OTOGL: variants seen among roughly 807,000 people sequenced by gnomAD.
The protein encoded by OTOGL is otogelin like, also known as otogelin-like protein.
In OTOGL, 285 loss-of-function variants were observed where a neutral mutation model predicts 318.5. The ratio of observed to expected loss-of-function variants is 0.89; its 90% confidence interval spans 0.81 to 0.99. OTOGL has a LOEUF of 0.99. Among genes scored for constraint, OTOGL ranks in the 50% least tolerant of loss-of-function variants. OTOGL has a pLI of 0.00. For synonymous variants in OTOGL, 987 were observed against 936.5 expected, an observed-to-expected ratio of 1.05 and a Z score of -0.99; for missense variants, 2,899 against 2,845.6, an observed-to-expected ratio of 1.02 and a Z score of -0.43.
At chr12:80,345,820 A>G (rs1889163959) in intron 44 of OTOGL, among the ~76,000 whole-genome samples, 1 of 152,206 alleles carries the variant, frequency 6.6e-6, no homozygotes, top group Admixed American at 6.5e-5. Context: ...TTGAGAAACT[A>G]AAAGAGACCC....
At chr12:80,212,907 CCT>C (rs1491478635) in intron 4 of OTOGL, among the ~76,000 whole-genome samples, 2 of 121,158 alleles carry the variant, frequency 1.7e-5, no homozygotes, top group Non-Finnish European at 4.0e-5. Context: ...AGAGTAGAGA[CCT>C]TTTTTTTGTT....
chr12:80,290,929 C>A (rs941777991), intron 26 of OTOGL, among the ~76,000 whole-genome samples: 6 of 152,142 alleles, frequency 3.9e-5, no homozygotes, highest in Non-Finnish European at 8.8e-5. Flanking sequence ...CCTTATATTT[C>A]TTGTTATTCT....
Position 80,378,336 on chromosome 12 carries a change from A to C in OTOGL, c.*288A>C, listed in dbSNP as rs949254613. The C allele has an allele frequency of 4.2e-5, 10 of 236,648 alleles. No individual in the cohort carries two copies. The highest frequency in any genetic ancestry group is 7.4e-5 in the Non-Finnish European group (9 of 121,282). The allele number at this position is 236,648 out of a possible 1,614,324, so 14.7% of individuals were successfully genotyped here. A position where few individuals can be genotyped will look rare whatever the true frequency, so the allele number is the denominator to read the frequency against. The stretch of plus-strand genomic sequence containing the variant: ...GTGCAGATACAGTATATTCTCATCA[A>C]CTGGAAGGTTATTTTGCAAAATTCC... On this transcript the variant is annotated 3_prime_UTR_variant, in exon 59 of 59. Transcript: ENST00000547103.
intron 1 of OTOGL, among the ~76,000 whole-genome samples, chr12:80,125,271 C>A (rs1416961414): frequency 6.6e-6 from 1 of 152,130 alleles, no homozygotes; most frequent in African/African-American, 2.4e-5. Context: ...TTGTCAAAGG[C>A]CTTTTCTGCA....
intron 29 of OTOGL, among the ~76,000 whole-genome samples, chr12:80,307,653 G>A (rs1220835160): frequency 6.9e-6 from 1 of 145,638 alleles, no homozygotes; most frequent in Non-Finnish European, 1.5e-5. Flanking sequence ...ACGGCTGGCC[G>A]GGCAGAGTGG....
intron 27 of OTOGL, among the ~76,000 whole-genome samples, chr12:80,300,445 C>T (rs1350422100): frequency 6.6e-6 from 1 of 151,988 alleles, no homozygotes; most frequent in Admixed American, 6.5e-5. Flanking sequence ...GGAGATTGGG[C>T]GGACAGCAGG....
chr12:80,275,256 C>A (rs569610254), intron 24 of OTOGL, among the ~76,000 whole-genome samples: 5 of 151,800 alleles, frequency 3.3e-5, no homozygotes, highest in South Asian at 2.1e-4. Flanking sequence ...AATATCAACA[C>A]GAACAGGAGT....
chr12:80,239,669 C>G (rs1025332007), intron 11 of OTOGL, among the ~76,000 whole-genome samples: 2 of 152,034 alleles, frequency 1.3e-5, no homozygotes, highest in Non-Finnish European at 2.9e-5. Flanking sequence ...TAATTTAATA[C>G]ATTCGTGTAA....
intron 44 of OTOGL, among the ~76,000 whole-genome samples, 200 bp downstream of exon 44, chr12:80,342,362 A>G (rs1485423619): frequency 6.6e-6 from 1 of 152,176 alleles, no homozygotes; most frequent in African/African-American, 2.4e-5. Flanking sequence ...TCTTTTCTTT[A>G]TGCTTCGTTA....
At position 80,378,115 on chromosome 12, in the gene OTOGL, A is replaced by G. The variant is rs1272726885; in HGVS notation, c.*67A>G. 8.2e-7 allele frequency: 1 copy of G among 1,219,944 alleles called. No individual in the cohort carries two copies. Among genetic ancestry groups the G allele is most frequent in the Non-Finnish European group, 1.1e-6 (1 of 871,466 alleles). The allele number at this position is 1,219,944 out of a possible 1,614,324, so 75.6% of individuals were successfully genotyped here. Reference sequence around the variant, plus strand: ...GATAGAATTAACTTTTATTGCTATTACTTAGGCATGTGGCAGATTTATGCT... The same window carrying G: ...GATAGAATTAACTTTTATTGCTATTGCTTAGGCATGTGGCAGATTTATGCT... On this transcript the variant is annotated 3_prime_UTR_variant, in exon 59 of 59. Coordinates refer to ENST00000547103, the MANE Select transcript of OTOGL (RefSeq NM_001378609.3).
At chr12:80,330,247 G>C (rs1431860466) in intron 37 of OTOGL, among the ~76,000 whole-genome samples, 1 of 152,144 alleles carries the variant, frequency 6.6e-6, no homozygotes, top group Admixed American at 6.5e-5. Flanking sequence ...TAGTAAGACT[G>C]CTTCTCTGGT....
At position 80,266,651 on chromosome 12, in the gene OTOGL, T is replaced by A. The variant is rs752138444; in HGVS notation, c.2390+35T>A. On this transcript the variant is annotated intron_variant, in intron 21 of 58. Coordinates refer to ENST00000547103, the MANE Select transcript of OTOGL (RefSeq NM_001378609.3). ...AGAAACAGGTTGGCAGCATCCTGTT[T>A]TAATCTCTTTTTCTCCTTACGGGCT... The A allele has an allele frequency of 1.8e-5, 29 of 1,579,274 alleles. 1 individual carries two copies. The South Asian group carries it at 2.1e-4, about 12-fold the overall frequency.
intron 21 of OTOGL, 22 bp downstream of exon 21, chr12:80,266,638 G>A (rs961088390): frequency 8.1e-6 from 13 of 1,600,728 alleles, no homozygotes; most frequent in South Asian, 2.2e-5. Flanking sequence ...AAACAGGTTG[G>A]CAGCATCCTG....
intron 1 of OTOGL, among the ~76,000 whole-genome samples, chr12:80,168,532 C>T (rs1390435441): frequency 6.6e-6 from 1 of 152,138 alleles, no homozygotes; most frequent in African/African-American, 2.4e-5. Context: ...TTCCTCATCA[C>T]TTTGCACCGT....
chr12:80,292,671 G>C (rs1437799313), intron 26 of OTOGL, among the ~76,000 whole-genome samples: 1 of 152,166 alleles, frequency 6.6e-6, no homozygotes, highest in Non-Finnish European at 1.5e-5. Flanking sequence ...CACGGTTAAA[G>C]ACACAATAGA....
At chr12:80,373,869 C>A (rs932518555) in intron 57 of OTOGL, among the ~76,000 whole-genome samples, 4 of 152,070 alleles carry the variant, frequency 2.6e-5, no homozygotes, top group African/African-American at 9.7e-5. Flanking sequence ...TATTCTGGAA[C>A]ATTGCCAGGA....
chr12:80,311,642 G>C (rs930401614), intron 30 of OTOGL, among the ~76,000 whole-genome samples: 2 of 152,162 alleles, frequency 1.3e-5, no homozygotes, highest in African/African-American at 4.8e-5. Context: ...CCTGACCTCA[G>C]ATGATCTGCC....
chr12:80,304,469 C>A (rs1356109686), intron 28 of OTOGL, among the ~76,000 whole-genome samples: 2 of 151,242 alleles, frequency 1.3e-5, no homozygotes, highest in East Asian at 3.9e-4. Context: ...TAATTTTTGT[C>A]AAAGAAAAAT....
At chr12:80,196,549 G>A (rs1876082213) in intron 1 of OTOGL, among the ~76,000 whole-genome samples, 1 of 152,160 alleles carries the variant, frequency 6.6e-6, no homozygotes, top group African/African-American at 2.4e-5. Context: ...GTGGGAAGTG[G>A]AGGGGGTTTC....
Sources: allele counts gnomAD v4.1 joint callset (sites outside exome capture counted in the v4.1 genomes callset), GRCh38; gene constraint gnomAD v4.1.1; transcripts MANE v1.5; gene names NCBI Gene and HGNC (gene_info 2026-07-23, HGNC 2026-07-21).